The following UBE2F variants were observed in gnomAD, a reference collection of about 807,000 sequenced individuals.
UBE2F encodes NEDD8-conjugating enzyme UBE2F.
UBE2F carries 5 observed loss-of-function variants against 29.6 expected under a neutral mutation model. The observed-to-expected ratio is 0.17, with a 90% CI of 0.09 to 0.36. The LOEUF (loss-of-function observed/expected upper bound fraction) is 0.36, where lower values mean the gene tolerates loss of function less well. Ranked by LOEUF, UBE2F falls within the 10% of genes least tolerant of loss-of-function variation. The probability of loss-of-function intolerance (pLI) is 1.00; values close to 1 mark genes in which losing one functional copy is unlikely to be tolerated. For synonymous variants in UBE2F, 66 were observed against 81.8 expected (o/e 0.81, Z 1.04); for missense variants, 141 against 228.5 (o/e 0.62, Z 2.47).
chr2:237,986,591 C>T (rs1405258094), intron 2 of UBE2F, among the ~76,000 whole-genome samples: 1 of 152,066 alleles, frequency 6.6e-6, no homozygotes, highest in Non-Finnish European at 1.5e-5. Context: ...TTGCCAAGGC[C>T]CTTGTTAAGG....
At chr2:238,024,610 C>T (rs1038247220) in intron 5 of UBE2F, among the ~76,000 whole-genome samples, 1 of 152,110 alleles carries the variant, frequency 6.6e-6, no homozygotes, top group African/African-American at 2.4e-5. Flanking sequence ...TCCCAAAGTG[C>T]TGAGATTTTT....
At chr2:237,973,352 A>G (rs2063212694) in intron 2 of UBE2F, 127 bp downstream of exon 2, 1 of 1,093,078 alleles carries the variant, frequency 9.1e-7, no homozygotes, top group African/African-American at 1.6e-5. Flanking sequence ...TTTAAAATAT[A>G]ATTGCTTATC....
intron 3 of UBE2F, among the ~76,000 whole-genome samples, chr2:237,994,180 G>C (rs530569505): frequency 2.0e-5 from 3 of 147,968 alleles, no homozygotes; most frequent in Admixed American, 1.4e-4. Flanking sequence ...GCGCGATCTT[G>C]GCTCACTGCA....
chr2:238,000,345 C>T (rs1403315090), intron 4 of UBE2F, among the ~76,000 whole-genome samples: 1 of 152,006 alleles, frequency 6.6e-6, no homozygotes, highest in Non-Finnish European at 1.5e-5. Flanking sequence ...TTTTACTTTA[C>T]TTTTTCTAGC....
At chr2:237,977,450 T>C (rs2063304740) in intron 2 of UBE2F, among the ~76,000 whole-genome samples, 1 of 152,086 alleles carries the variant, frequency 6.6e-6, no homozygotes, top group Non-Finnish European at 1.5e-5. Flanking sequence ...TGGTGGAGTT[T>C]GTGAGGTGAG....
Position 238,041,468 on chromosome 2 carries a change from A to C in UBE2F, c.*130A>C. 1.2e-6 allele frequency: 1 copy of C among 831,776 alleles called. No homozygotes were observed. Among genetic ancestry groups the C allele is most frequent in the South Asian group, 1.6e-5 (1 of 63,032 alleles). The allele number at this position is 831,776 out of a possible 1,614,324, so 51.5% of individuals were successfully genotyped here. On this transcript the variant is annotated 3_prime_UTR_variant, in exon 10 of 10. Coordinates refer to ENST00000272930, the MANE Select transcript of UBE2F (RefSeq NM_080678.3). ...CCTGGATTGCCCCAGTCCTGTGACC[A>C]TGTTGCCCTGAAGAAGACCATCTTC...
chr2:238,038,373 C>T lies in UBE2F; in HGVS notation c.507+2433C>T, dbSNP rs552227065. On this transcript the variant is annotated intron_variant, in intron 9 of 9. Coordinates refer to ENST00000272930, the MANE Select transcript of UBE2F (RefSeq NM_080678.3). ...CAATCAGTCCCCGACCCCTGCCATC[C>T]GTCGGTGGTCCTGATGGGCTTGTGT... Among the ~76,000 whole-genome samples, 11 of 152,328 alleles carry T rather than the reference C, an allele frequency of 7.2e-5. No homozygotes were observed. The South Asian group carries it at 2.1e-3, about 29-fold the overall frequency.
intron 4 of UBE2F, among the ~76,000 whole-genome samples, chr2:238,002,428 G>C (rs2106364188): frequency 6.6e-6 from 1 of 152,184 alleles, no homozygotes; most frequent in East Asian, 1.9e-4. Flanking sequence ...GTAAAGACGA[G>C]GTTTCACTAT....
intron 4 of UBE2F, among the ~76,000 whole-genome samples, chr2:237,995,450 A>T (rs1056437037): frequency 1.5e-4 from 23 of 152,212 alleles, no homozygotes; most frequent in Non-Finnish European, 2.6e-4. Flanking sequence ...CCCACACTTC[A>T]CAACCCACTG....
Position 237,967,104 on chromosome 2 carries a change from G to C in UBE2F, c.-45G>C. 7.4e-7 allele frequency: 1 copy of C among 1,342,386 alleles called. No homozygotes were observed. Among genetic ancestry groups the C allele is most frequent in the Non-Finnish European group, 9.6e-7 (1 of 1,042,952 alleles). 83.2% of individuals were successfully genotyped at this position (1,342,386 alleles called of 1,614,324 possible). On this transcript the variant is annotated 5_prime_UTR_variant, in exon 1 of 10. Transcript: ENST00000272930. This position sits in a 1 kb window ranked among gnomAD's most constrained non-coding sequence, Gnocchi z 6.3. ...GACCGGGCATGGTGTTGGGCGCCGG[G>C]CCCGCCTCGCCTGTCTCGGGGAGCC...
intron 1 of UBE2F, among the ~76,000 whole-genome samples, chr2:237,972,548 T>TAA (rs2063196431): frequency 7.0e-6 from 1 of 142,212 alleles, no homozygotes; most frequent in Non-Finnish European, 1.5e-5. Flanking sequence ...TAAATTTTTT[T>TAA]TTTTTTTTTT....
chr2:237,970,091 A>G (rs1404741617), intron 1 of UBE2F, among the ~76,000 whole-genome samples: 2 of 152,202 alleles, frequency 1.3e-5, no homozygotes, highest in Non-Finnish European at 2.9e-5. Context: ...CCTGCCCGGC[A>G]TGGTGGCTCA....
Position 237,982,450 on chromosome 2 carries a change from T to C in UBE2F, c.119-5513T>C, listed in dbSNP as rs1443492141. Among the ~76,000 whole-genome samples the C allele has an allele frequency of 2.0e-5, 3 of 152,208 alleles. No homozygotes were observed. Among genetic ancestry groups the C allele is most frequent in the African/African-American group, 7.2e-5 (3 of 41,458 alleles). The stretch of plus-strand genomic sequence containing the variant: ...CTTGAACCTTTTGCTTGTGTCATGC[T>C]GGCCCCTCTGCTTGCAATCCACAGT... On this transcript the variant is annotated intron_variant, in intron 2 of 9. Transcript: ENST00000272930. The surrounding 1 kb of genome is among the most constrained non-coding windows in gnomAD (Gnocchi z 4.1).
chr2:237,984,658 C>T (rs569635804), intron 2 of UBE2F, among the ~76,000 whole-genome samples: 4 of 152,346 alleles, frequency 2.6e-5, no homozygotes, highest in East Asian at 1.9e-4. Flanking sequence ...GCACAGAGGA[C>T]GTTGCCGGGT....
At chr2:238,012,129 C>T (rs2106377550) in intron 4 of UBE2F, among the ~76,000 whole-genome samples, 1 of 151,996 alleles carries the variant, frequency 6.6e-6, no homozygotes, top group African/African-American at 2.4e-5. Context: ...AGCAAGCCAC[C>T]TGCCTTGGCC....
At chr2:237,968,136 C>T (rs2106315649) in intron 1 of UBE2F, among the ~76,000 whole-genome samples, 1 of 152,194 alleles carries the variant, frequency 6.6e-6, no homozygotes, top group East Asian at 1.9e-4. Flanking sequence ...GGAAACTGGC[C>T]TGCCTGGTGC....
At chr2:237,988,357 A>C (rs1330766442) in intron 3 of UBE2F, among the ~76,000 whole-genome samples, 1 of 152,010 alleles carries the variant, frequency 6.6e-6, no homozygotes, top group Non-Finnish European at 1.5e-5. Flanking sequence ...CTGAGGCAGG[A>C]GAATCACTTG....
intron 8 of UBE2F, 76 bp from the exon 9 acceptor site, chr2:238,035,800 ACT>A (rs3832063): frequency 0.38 from 455,383 of 1,214,304 alleles, 90,720 homozygotes; most frequent in Non-Finnish European, 0.41. Context: ...GACTTCTCTT[ACT>A]GTGCCATAAA....
intron 8 of UBE2F, among the ~76,000 whole-genome samples, chr2:238,033,943 G>A (rs1002511820): frequency 1.3e-5 from 2 of 152,168 alleles, no homozygotes; most frequent in African/African-American, 4.8e-5. Context: ...ATTTGATTGA[G>A]AGAGCCAAAG....
Sources: gnomAD v4.1 joint callset for allele counts (sites outside exome capture counted in the v4.1 genomes callset) on GRCh38, gnomAD v4.1.1 for gene constraint, Gnocchi (gnomAD v3.1) non-coding constraint, MANE v1.5 for transcripts, NCBI Gene and HGNC (gene_info 2026-07-23, HGNC 2026-07-21) for gene names.